TRPC7: variants seen among roughly 807,000 people sequenced by gnomAD.
TRPC7 encodes transient receptor potential cation channel subfamily C member 7.
Under a neutral mutation model 90.1 loss-of-function variants are expected in TRPC7, and 42 were observed. The ratio of observed to expected loss-of-function variants is 0.47; its 90% CI spans 0.36 to 0.60. The LOEUF (loss-of-function observed/expected upper bound fraction) is 0.60. Ranked by LOEUF, TRPC7 falls within the 20% of genes least tolerant of loss-of-function variation. The pLI is 0.00. For missense variants in TRPC7, 955 were observed against 1,112.3 expected (o/e 0.86, Z 2.01); for synonymous variants, 451 against 436.3 (o/e 1.03, Z -0.42).
chr5:136,345,720 A>G lies in TRPC7; in HGVS notation c.780+10888T>C, dbSNP rs575208678. 2.0e-5 allele frequency among the ~76,000 whole-genome samples: 3 copies of G among 152,148 alleles called. No homozygotes were observed. In the South Asian group the frequency reaches 6.2e-4, roughly 32 times the overall value. ...TTAGTTTAATTAGATCCCATTTGTC[A>G]ATTTTGGCTTTTGTTGCCATTGCTT... On this transcript the variant is annotated intron_variant, in intron 2 of 11. Coordinates refer to ENST00000513104, the MANE Select transcript of TRPC7 (RefSeq NM_020389.3).
intron 2 of TRPC7, among the ~76,000 whole-genome samples, chr5:136,324,954 T>C (rs1170781792): frequency 6.6e-6 from 1 of 152,142 alleles, no homozygotes; most frequent in Non-Finnish European, 1.5e-5. Context: ...GCTGCAGTTA[T>C]GGGGAAAGAA....
chr5:136,247,438 G>A lies in TRPC7; in HGVS notation c.1844+33C>T. Reference sequence around the variant, plus strand: ...CCCAAGGATTCCCAGGAAGCCCAGGGAGAACCTCAGGGGAAAGCTCTCAGA... The same window carrying A: ...CCCAAGGATTCCCAGGAAGCCCAGGAAGAACCTCAGGGGAAAGCTCTCAGA... On this transcript the variant is annotated intron_variant, in intron 7 of 11. Coordinates refer to ENST00000513104, the MANE Select transcript of TRPC7 (RefSeq NM_020389.3). This position sits in a 1 kb window ranked among gnomAD's most constrained non-coding sequence, Gnocchi z 4.2. 2 of 1,575,030 alleles carry A rather than the reference G, an allele frequency of 1.3e-6. No individual in the cohort carries two copies. Among genetic ancestry groups the A allele is most frequent in the East Asian group, 2.2e-5 (1 of 44,468 alleles).
At chr5:136,359,455 A>G (rs1371162724) in intron 1 of TRPC7, among the ~76,000 whole-genome samples, 1 of 151,202 alleles carries the variant, frequency 6.6e-6, no homozygotes, top group Admixed American at 6.6e-5. Flanking sequence ...TTTAAAGTGC[A>G]CTTTGATAAA....
intron 3 of TRPC7, among the ~76,000 whole-genome samples, chr5:136,313,404 T>TATCTATC (rs1758905013): frequency 1.3e-5 from 2 of 152,110 alleles, no homozygotes; most frequent in Admixed American, 1.3e-4. Context: ...TCTATCTATC[T>TATCTATC]ATCTATCTAT....
chr5:136,289,277 G>A (rs1462169718), intron 3 of TRPC7, among the ~76,000 whole-genome samples: 1 of 152,210 alleles, frequency 6.6e-6, no homozygotes, highest in African/African-American at 2.4e-5. Context: ...GAGGTACTGG[G>A]TTCATCTCAC....
chr5:136,323,345 A>G (rs1339141855), intron 2 of TRPC7, among the ~76,000 whole-genome samples: 2 of 152,178 alleles, frequency 1.3e-5, no homozygotes, highest in African/African-American at 4.8e-5. Context: ...AGACTACTAC[A>G]AAGTCCAATC....
At chr5:136,355,644 A>C (rs912705498) in intron 2 of TRPC7, among the ~76,000 whole-genome samples, 19 of 152,134 alleles carry the variant, frequency 1.2e-4, no homozygotes, top group Non-Finnish European at 2.1e-4. Flanking sequence ...TAAAAATACA[A>C]AAAATTAGCT....
chr5:136,229,947 C>A (rs1285699117), intron 8 of TRPC7, among the ~76,000 whole-genome samples: 2 of 152,192 alleles, frequency 1.3e-5, no homozygotes, highest in Non-Finnish European at 1.5e-5. Flanking sequence ...TGTACTGTTA[C>A]ATAGATTAGA....
intron 10 of TRPC7, among the ~76,000 whole-genome samples, chr5:136,217,322 A>C (rs2149792080): frequency 6.6e-6 from 1 of 152,350 alleles, no homozygotes; most frequent in East Asian, 1.9e-4. Flanking sequence ...TCTTGCAAAT[A>C]AAAAGTAAGT....
intron 4 of TRPC7, among the ~76,000 whole-genome samples, chr5:136,268,018 TGATAGA>T (rs1231537950): frequency 2.8e-4 from 43 of 152,288 alleles, no homozygotes; most frequent in East Asian, 7.7e-4. Context: ...GCACTGAAGG[TGATAGA>T]GATAGAGATA....
At chr5:136,306,008 C>T (rs567445024) in intron 3 of TRPC7, among the ~76,000 whole-genome samples, 2 of 152,286 alleles carry the variant, frequency 1.3e-5, no homozygotes, top group East Asian at 3.9e-4. Context: ...CCAACTTAGA[C>T]TGTGCCCCAA....
Position 136,243,192 on chromosome 5 carries a change from G to C in TRPC7, c.1844+4279C>G, listed in dbSNP as rs143900071. On this transcript the variant is annotated intron_variant, in intron 7 of 11. Coordinates refer to ENST00000513104, the MANE Select transcript of TRPC7 (RefSeq NM_020389.3). ...TGGTGAGACTGGTTTTTGTGAGCTG[G>C]CCTGGGACTGCACCCCTAGGGTGAG... 3.9e-3 allele frequency among the ~76,000 whole-genome samples: 600 copies of C among 152,186 alleles called. 3 individuals are homozygous for C. The highest frequency in any genetic ancestry group is 0.013 in the African/African-American group (545 of 41,508).
chr5:136,269,485 A>G lies in TRPC7; in HGVS notation c.1129-3049T>C, dbSNP rs576228081. 2.2e-3 allele frequency among the ~76,000 whole-genome samples: 342 copies of G among 152,318 alleles called. 2 individuals carry two copies. Among genetic ancestry groups the G allele is most frequent in the African/African-American group, 7.4e-3 (308 of 41,574 alleles). The stretch of plus-strand genomic sequence containing the variant: ...GCGGTACCTGGATGTGTGAGTCCCC[A>G]CATCCCAGAAATATAGCCCTGTGGC... On this transcript the variant is annotated intron_variant, in intron 4 of 11. Coordinates refer to ENST00000513104, the MANE Select transcript of TRPC7 (RefSeq NM_020389.3).
intron 3 of TRPC7, among the ~76,000 whole-genome samples, chr5:136,287,596 T>C (rs1440967384): frequency 6.6e-6 from 1 of 150,458 alleles, no homozygotes; most frequent in East Asian, 2.0e-4. Context: ...TCTTGCTTCA[T>C]TTGAAGCTCC....
At chr5:136,274,081 T>C (rs1757286391) in intron 4 of TRPC7, among the ~76,000 whole-genome samples, 2 of 152,188 alleles carry the variant, frequency 1.3e-5, no homozygotes, top group African/African-American at 4.8e-5. Context: ...TGCAACCTAA[T>C]TAGCTGCCCA....
chr5:136,356,532 A>C, intron 2 of TRPC7, 76 bp downstream of exon 2: 6 of 1,378,364 alleles, frequency 4.4e-6, no homozygotes, highest in Non-Finnish European at 5.8e-6. Flanking sequence ...ATTTGAAGAC[A>C]ACCCATTTCA....
At chr5:136,342,238 G>C (rs1199986061) in intron 2 of TRPC7, among the ~76,000 whole-genome samples, 1 of 152,200 alleles carries the variant, frequency 6.6e-6, no homozygotes, top group Non-Finnish European at 1.5e-5. Context: ...CCAGGGGCTG[G>C]GCTGGTACGT....
intron 2 of TRPC7, among the ~76,000 whole-genome samples, chr5:136,348,066 C>T (rs1305415440): frequency 6.6e-6 from 1 of 152,222 alleles, no homozygotes; most frequent in East Asian, 1.9e-4. Flanking sequence ...CATAGGCCTT[C>T]CAACTCTTTC....
intron 5 of TRPC7, among the ~76,000 whole-genome samples, chr5:136,263,412 C>G (rs1334357386): frequency 2.0e-5 from 3 of 152,186 alleles, no homozygotes; most frequent in Non-Finnish European, 4.4e-5. Context: ...GAGTGCCCAT[C>G]ATTCAACCAA....
Sources: gnomAD v4.1 joint callset for allele counts (sites outside exome capture counted in the v4.1 genomes callset) on GRCh38, gnomAD v4.1.1 for gene constraint, Gnocchi (gnomAD v3.1) non-coding constraint, MANE v1.5 for transcripts, NCBI Gene and HGNC (gene_info 2026-07-23, HGNC 2026-07-21) for gene names.